The following PEBP4 variants were observed in gnomAD, a reference collection of about 807,000 sequenced individuals.
The protein encoded by PEBP4 is phosphatidylethanolamine-binding protein 4.
Under a neutral mutation model 23.9 loss-of-function variants are expected in PEBP4, and 22 were observed. The ratio of observed to expected loss-of-function variants is 0.92; its 90% CI spans 0.66 to 1.31. The LOEUF (loss-of-function observed/expected upper bound fraction) is 1.31, where lower values mean the gene tolerates loss of function less well. Among genes scored for constraint, PEBP4 ranks in the 40% most tolerant of loss-of-function variants. The pLI, the probability that PEBP4 is intolerant of heterozygous loss-of-function variation, is 0.00. For missense variants in PEBP4, 324 were observed against 281.7 expected (o/e 1.15, Z -1.07); for synonymous variants, 112 against 99.3 (o/e 1.13, Z -0.76).
chr8:22,921,599 G>A (rs773906645), intron 2 of PEBP4, among the ~76,000 whole-genome samples: 4 of 152,322 alleles, frequency 2.6e-5, no homozygotes, highest in Non-Finnish European at 4.4e-5. Flanking sequence ...TGGCAGCCCC[G>A]GACCAGGACA....
chr8:22,919,570 G>A (rs556356120), intron 3 of PEBP4, among the ~76,000 whole-genome samples: 60 of 152,266 alleles, frequency 3.9e-4, no homozygotes, highest in African/African-American at 1.4e-3. Flanking sequence ...ACCCCTAAAT[G>A]TAATAGCACT....
chr8:22,746,278 G>T (rs542812924), intron 4 of PEBP4, among the ~76,000 whole-genome samples: 11 of 152,152 alleles, frequency 7.2e-5, no homozygotes, highest in Non-Finnish European at 1.6e-4. Flanking sequence ...CCCCTCTGGG[G>T]TTAGAGAGAG....
At chr8:22,858,978 A>G (rs1319577588) in intron 3 of PEBP4, among the ~76,000 whole-genome samples, 5 of 152,174 alleles carry the variant, frequency 3.3e-5, no homozygotes, top group Admixed American at 3.3e-4. Flanking sequence ...AGAACTACAC[A>G]GAAGGGACTA....
intron 3 of PEBP4, among the ~76,000 whole-genome samples, chr8:22,915,548 C>T (rs1349178475): frequency 2.0e-5 from 3 of 152,312 alleles, no homozygotes; most frequent in Non-Finnish European, 2.9e-5. Context: ...TAGTGTCTTT[C>T]GTCTCTGAAT....
intron 1 of PEBP4, among the ~76,000 whole-genome samples, chr8:22,934,432 T>C (rs1272610125): frequency 2.0e-5 from 3 of 152,192 alleles, no homozygotes; most frequent in Non-Finnish European, 4.4e-5. Flanking sequence ...CCACAAAATG[T>C]ATTTATAGAA....
intron 3 of PEBP4, among the ~76,000 whole-genome samples, chr8:22,904,351 C>G (rs953688392): frequency 6.6e-6 from 1 of 152,176 alleles, no homozygotes; most frequent in African/African-American, 2.4e-5. Flanking sequence ...AGACCTGTGC[C>G]CACGCCTGGA....
intron 4 of PEBP4, chr8:22,758,264 A>G (rs767009953): frequency 6.6e-6 from 1 of 152,110 alleles, no homozygotes; most frequent in South Asian, 2.1e-4. Context: ...TGACCCTTTC[A>G]CTTCGTGTCT....
chr8:22,924,695 G>A (rs1809286140), intron 2 of PEBP4: 4 of 985,390 alleles, frequency 4.1e-6, no homozygotes, highest in Non-Finnish European at 4.8e-6. Context: ...TTGCAGGGCT[G>A]ACTGGATGGC....
intron 4 of PEBP4, among the ~76,000 whole-genome samples, chr8:22,737,294 C>CAAAAAAAAAA (rs11302571): frequency 1.5e-5 from 1 of 65,498 alleles, no homozygotes. Context: ...GACTCCGTCT[C>CAAAAAAAAAA]AAAAAAAAAA....
chr8:22,846,632 G>A (rs1477645523), intron 3 of PEBP4, among the ~76,000 whole-genome samples: 1 of 152,128 alleles, frequency 6.6e-6, no homozygotes, highest in Non-Finnish European at 1.5e-5. Flanking sequence ...CAAGTAAGAG[G>A]TTGTGTCACT....
chr8:22,927,554 C>T (rs992231655), intron 2 of PEBP4, 30 bp downstream of exon 2: 4 of 1,596,092 alleles, frequency 2.5e-6, no homozygotes, highest in Non-Finnish European at 3.4e-6. Context: ...AGCCTCTGTG[C>T]CTCCCGCCTC....
chr8:22,863,726 T>A (rs1368444697), intron 3 of PEBP4, among the ~76,000 whole-genome samples: 1 of 152,106 alleles, frequency 6.6e-6, no homozygotes, highest in African/African-American at 2.4e-5. Flanking sequence ...GTCTCTGCCC[T>A]CCAGGAGTAC....
chr8:22,771,171 T>C (rs761509356), intron 4 of PEBP4, among the ~76,000 whole-genome samples: 8 of 152,206 alleles, frequency 5.3e-5, no homozygotes, highest in Non-Finnish European at 8.8e-5. Flanking sequence ...ACACAATGCA[T>C]TGACAGTACC....
chr8:22,908,370 A>C (rs982767150), intron 3 of PEBP4, among the ~76,000 whole-genome samples: 10 of 141,896 alleles, frequency 7.0e-5, no homozygotes, highest in Non-Finnish European at 1.1e-4. Context: ...AGGGGAAAAC[A>C]AACAAACAAA....
At chr8:22,912,207 G>T (rs569447701) in intron 3 of PEBP4, among the ~76,000 whole-genome samples, 2 of 152,168 alleles carry the variant, frequency 1.3e-5, no homozygotes, top group African/African-American at 4.8e-5. Context: ...GCACGTGGCC[G>T]TTCTGTTAAG....
chr8:22,805,483 T>C (rs1338880419), intron 4 of PEBP4, among the ~76,000 whole-genome samples: 3 of 152,208 alleles, frequency 2.0e-5, no homozygotes, highest in Non-Finnish European at 4.4e-5. Context: ...TGCGCCACCA[T>C]GCCCATGTAA....
At chr8:22,716,019 C>G (rs1346798278) in intron 6 of PEBP4, among the ~76,000 whole-genome samples, 3 of 152,172 alleles carry the variant, frequency 2.0e-5, no homozygotes, top group Non-Finnish European at 2.9e-5. Context: ...GGCCACTCCA[C>G]TGTATCCTGG....
intron 3 of PEBP4, among the ~76,000 whole-genome samples, chr8:22,856,945 A>G (rs1188120597): frequency 6.6e-6 from 1 of 152,090 alleles, no homozygotes; most frequent in Non-Finnish European, 1.5e-5. Context: ...ATGAAGGAAG[A>G]TAGAGTCTGA....
intron 3 of PEBP4, among the ~76,000 whole-genome samples, chr8:22,895,010 C>T (rs749437833): frequency 7.2e-5 from 11 of 152,208 alleles, no homozygotes; most frequent in Non-Finnish European, 1.5e-4. Context: ...GGGAGACAAG[C>T]ACAAAGTCTG....
Sources: gnomAD v4.1 joint callset for allele counts (sites outside exome capture counted in the v4.1 genomes callset) on GRCh38, gnomAD v4.1.1 for gene constraint, MANE v1.5 for transcripts, NCBI Gene and HGNC (gene_info 2026-07-23, HGNC 2026-07-21) for gene names.